Variants in ERI1 observed in about 807,000 individuals in gnomAD.
ERI1 encodes exoribonuclease 1, also known as 3'-5' exoribonuclease 1.
In ERI1, 39 loss-of-function variants were observed where a neutral mutation model predicts 39.7. The observed-to-expected ratio is 0.98, with a 90% CI of 0.76 to 1.28. ERI1 has a LOEUF of 1.28. Among genes scored for constraint, ERI1 ranks in the 50% most tolerant of loss-of-function variants. ERI1 has a pLI of 0.00. For missense variants in ERI1, 581 were observed against 416.9 expected (o/e 1.39, Z -3.43); for synonymous variants, 204 against 149.6 (o/e 1.36, Z -2.65).
intron 6 of ERI1, among the ~76,000 whole-genome samples, chr8:9,023,987 A>T (rs977192886): frequency 2.6e-5 from 4 of 151,650 alleles, no homozygotes; most frequent in Admixed American, 6.6e-5. Flanking sequence ...TTTTTAGTAG[A>T]GACGGGGTTT....
At chr8:9,016,595 G>T (rs972015480) in intron 4 of ERI1, among the ~76,000 whole-genome samples, 190 bp downstream of exon 4, 1 of 150,892 alleles carries the variant, frequency 6.6e-6, no homozygotes, top group East Asian at 1.9e-4. Context: ...ATTTTCCTCA[G>T]CCTTTCCTCT....
At chr8:9,041,348 G>GGGAGCTTTT (rs1485208460) in intron 3 of ERI1, among the ~76,000 whole-genome samples, 20 of 152,248 alleles carry the variant, frequency 1.3e-4, no homozygotes, top group African/African-American at 4.6e-4. Context: ...GAGTAGGAGG[G>GGGAGCTTTT]GGAGCTTTTA....
chr8:9,027,251 A>T (rs1797240702), intron 6 of ERI1, among the ~76,000 whole-genome samples: 1 of 151,394 alleles, frequency 6.6e-6, no homozygotes. Context: ...ATGATTAGTG[A>T]TGTTGAGCAT....
intron 3 of ERI1, among the ~76,000 whole-genome samples, chr8:9,098,667 C>G (rs577891049): frequency 7.9e-5 from 12 of 151,804 alleles, no homozygotes; most frequent in African/African-American, 2.9e-4. Flanking sequence ...GAAGTCACCA[C>G]AAAAGACCTT....
At chr8:9,059,561 C>CTATCAATAGAATTATTGA (rs1798623411) in intron 3 of ERI1, among the ~76,000 whole-genome samples, 1 of 151,816 alleles carries the variant, frequency 6.6e-6, no homozygotes, top group African/African-American at 2.4e-5. Flanking sequence ...TGATGATGGC[C>CTATCAATAGAATTATTGA]TAGATACAAT....
chr8:9,024,502 C>T (rs1414926346), intron 6 of ERI1, among the ~76,000 whole-genome samples: 4 of 152,034 alleles, frequency 2.6e-5, no homozygotes, highest in Non-Finnish European at 5.9e-5. Context: ...TTCACTGCAA[C>T]CTGCGCCTCC....
In ERI1 at chr8:9,030,948, G is replaced by A. The variant is rs1445728818; in HGVS notation, c.*914G>A. Reference sequence around the variant, plus strand: ...TTAAAAAACTTCATTGGCCACTAGTGAAGTTAGTCAATAAAAGACTTGTTT... The same window carrying A: ...TTAAAAAACTTCATTGGCCACTAGTAAAGTTAGTCAATAAAAGACTTGTTT... On this transcript the variant is annotated 3_prime_UTR_variant, in exon 7 of 7. Transcript: ENST00000250263. 2 of 152,166 alleles carry A rather than the reference G, an allele frequency of 1.3e-5. No homozygotes were observed. Among genetic ancestry groups the A allele is most frequent in the African/African-American group, 4.8e-5 (2 of 41,438 alleles). 9.4% of individuals were successfully genotyped at this position (152,166 alleles called of 1,614,324 possible). A position where few individuals can be genotyped will look rare whatever the true frequency, so the allele number is the denominator to read the frequency against.
At position 9,024,402 on chromosome 8, in the gene ERI1, TTTTTC is replaced by T. The variant is rs550102279; in HGVS notation, c.807+3940_807+3944del. On this transcript the variant is annotated intron_variant, in intron 6 of 6. Transcript: ENST00000250263. ...CTGTTTCTTTTTGCTTTTCTCTTCT[TTTTTC>T]TCTTTTCTTTTCTTTTCTTTTCTTT... Among the ~76,000 whole-genome samples, 220 of 151,474 alleles carry T rather than the reference TTTTTC, an allele frequency of 1.5e-3. 1 individual carries two copies. Among genetic ancestry groups the T allele is most frequent in the African/African-American group, 5.1e-3 (210 of 41,272 alleles).
intron 3 of ERI1, among the ~76,000 whole-genome samples, chr8:9,072,819 T>G (rs1324769814): frequency 6.6e-6 from 1 of 151,798 alleles, no homozygotes. Flanking sequence ...AAGCAGAGGG[T>G]CAGGGTCAGG....
chr8:9,012,350 A>C (rs1326109834), intron 3 of ERI1, among the ~76,000 whole-genome samples: 1 of 152,272 alleles, frequency 6.6e-6, no homozygotes, highest in African/African-American at 2.4e-5. Context: ...AAGAAAGTCT[A>C]GTAGGAATTC....
At chr8:9,099,239 C>T (rs1016937329) in intron 3 of ERI1, among the ~76,000 whole-genome samples, 8 of 152,104 alleles carry the variant, frequency 5.3e-5, no homozygotes, top group Non-Finnish European at 8.8e-5. Context: ...TCTCTTCTTC[C>T]TTCTCCCCAA....
intron 3 of ERI1, among the ~76,000 whole-genome samples, chr8:9,080,821 C>T (rs1218813502): frequency 1.3e-5 from 2 of 152,130 alleles, no homozygotes; most frequent in African/African-American, 2.4e-5. Context: ...GGGTGGAGGG[C>T]AGCGGTGCAA....
intron 3 of ERI1, among the ~76,000 whole-genome samples, chr8:9,074,759 C>A (rs1334873006): frequency 1.3e-5 from 2 of 152,140 alleles, no homozygotes; most frequent in African/African-American, 2.4e-5. Context: ...ATTGTGCCTG[C>A]ATTTATATGG....
At chr8:9,058,294 G>C (rs557785812) in intron 3 of ERI1, among the ~76,000 whole-genome samples, 80 of 152,244 alleles carry the variant, frequency 5.3e-4, no homozygotes, top group African/African-American at 1.7e-3. Flanking sequence ...TGGAGCCACG[G>C]GCAGTTTCTA....
chr8:9,076,394 A>G (rs1799212609), intron 3 of ERI1, among the ~76,000 whole-genome samples: 1 of 152,242 alleles, frequency 6.6e-6, no homozygotes, highest in African/African-American at 2.4e-5. Flanking sequence ...TCTAGGGTTC[A>G]TCTGTAAGTC....
Position 9,024,514 on chromosome 8 carries a change from G to T in ERI1, c.807+4050G>T, listed in dbSNP as rs549275757. 2.0e-5 allele frequency among the ~76,000 whole-genome samples: 3 copies of T among 152,084 alleles called. No individual in the cohort carries two copies. The South Asian group carries it at 6.2e-4, about 32-fold the overall frequency. On this transcript the variant is annotated intron_variant, in intron 6 of 6. Coordinates refer to ENST00000250263, the MANE Select transcript of ERI1 (RefSeq NM_153332.4). ...CAGTTCACTGCAACCTGCGCCTCCT[G>T]GGTTCAATCAATTCTCCTGCCTCAG...
At chr8:9,027,143 G>GTGTC (rs1797226078) in intron 6 of ERI1, among the ~76,000 whole-genome samples, 1 of 122,046 alleles carries the variant, frequency 8.2e-6, no homozygotes, top group Non-Finnish European at 1.6e-5. Flanking sequence ...TCTGGTGTGT[G>GTGTC]TGTGTATGTG....
intron 3 of ERI1, among the ~76,000 whole-genome samples, chr8:9,096,092 G>C (rs764806650): frequency 2.6e-5 from 4 of 152,156 alleles, no homozygotes; most frequent in Admixed American, 6.5e-5. Flanking sequence ...GAGGTAGAGA[G>C]GACGTTTACT....
intron 6 of ERI1, among the ~76,000 whole-genome samples, chr8:9,028,058 G>A (rs542595443): frequency 4.1e-4 from 63 of 152,262 alleles, no homozygotes; most frequent in African/African-American, 1.5e-3. Flanking sequence ...GTCTTTGTCA[G>A]GCTTTTGTAT....
Sources: allele counts gnomAD v4.1 joint callset (sites outside exome capture counted in the v4.1 genomes callset), GRCh38; gene constraint gnomAD v4.1.1; transcripts MANE v1.5; gene names NCBI Gene and HGNC (gene_info 2026-07-23, HGNC 2026-07-21).